FZD9: variants seen among roughly 807,000 people sequenced by gnomAD.
FZD9 encodes frizzled class receptor 9.
In FZD9, 29 loss-of-function variants were observed where a neutral mutation model predicts 29.9. The observed-to-expected ratio is 0.97, with a 90% confidence interval of 0.72 to 1.32. The LOEUF (loss-of-function observed/expected upper bound fraction) is 1.32, where lower values mean the gene tolerates loss of function less well. Ranked by LOEUF, FZD9 falls within the 40% of genes most tolerant of loss-of-function variation. FZD9 has a pLI of 0.00. For missense variants in FZD9, 822 were observed against 857.8 expected (o/e 0.96, Z 0.52); for synonymous variants, 384 against 393.9 (o/e 0.97, Z 0.30).
rs1276469452 is a variant in FZD9, at chr7:73,434,543, C to G, written c.536C>G (p.Pro179Arg). ...GGCATGCTGCCCGTGGCGCCGCGGC[C>G]CGCGCGCCCTCCCGGAGACCTGGGC... is the stretch of plus-strand genomic sequence containing the variant. The part of the protein sequence containing the change: ...GLGMLPVAPR[P>R]ARPPGDLGPG... The change falls in exon 1 of 1, where the codon CCC becomes CGC. Residue 179 changes from proline to arginine, a missense_variant. Pro to Arg is a moderately radical substitution (Grantham distance 103). Transcript: ENST00000344575. 3 of 1,427,458 alleles carry G rather than the reference C, an allele frequency of 2.1e-6. No homozygotes were observed. The highest frequency in any genetic ancestry group is 2.7e-6 in the Non-Finnish European group (3 of 1,102,842). 88.4% of individuals were successfully genotyped at this position (1,427,458 alleles called of 1,614,324 possible).
chr7:73,435,718 G>A lies in FZD9; in HGVS notation c.1711G>A (p.Ala571Thr), dbSNP rs1563355504. Residue 571 changes from alanine to threonine, a missense_variant, in exon 1 of 1, where the codon GCT (alanine) becomes ACT (threonine). Transcript: ENST00000344575. ...YGRGTHCHYK[A>T]PTVVLHMTKT... ...ACGTGGCACGCACTGCCACTATAAG[G>A]CTCCCACCGTGGTCTTGCACATGAC... is the stretch of plus-strand genomic sequence containing the variant. 6.2e-7 allele frequency: 1 copy of A among 1,612,292 alleles called. No homozygotes were observed. Among genetic ancestry groups the A allele is most frequent in the South Asian group, 1.1e-5 (1 of 90,960 alleles).
In FZD9 at chr7:73,435,594, G is replaced by A; in HGVS notation, c.1587G>A (p.Trp529Ter). 6.2e-7 allele frequency: 1 copy of A among 1,613,236 alleles called. No homozygotes were observed. Among genetic ancestry groups the A allele is most frequent in the Non-Finnish European group, 8.5e-7 (1 of 1,179,896 alleles). Residue 529 changes from tryptophan to a stop codon, truncating the protein, a stop_gained, in exon 1 of 1, where the codon TGG becomes TGA. Coordinates refer to ENST00000344575, the MANE Select transcript of FZD9 (RefSeq NM_003508.3). LOFTEE classifies it high-confidence loss of function. ...GGATCACCAGCGGCGTCTGGGTGTG[G>A]AGCTCCAAGACTTTCCAGACCTGGC... ...VVGITSGVWVWSSKTFQTWQS... is the reference protein window; with the variant it reads ...VVGITSGVWV
At position 73,434,798 on chromosome 7, in the gene FZD9, A is replaced by T; in HGVS notation, c.791A>T (p.Glu264Val). Residue 264 changes from glutamate (E) to valine (V), a missense_variant, in exon 1 of 1, where the codon GAG (glutamate) becomes GTG (valine). Glu to Val is a moderately radical substitution (Grantham distance 121). Coordinates refer to ENST00000344575, the MANE Select transcript of FZD9 (RefSeq NM_003508.3). Reference sequence around the variant, plus strand: ...GAGCCCCACCGCTTCCAGTACCCCGAGCGCCCCATCATCTTCCTCTCCATG... The same window carrying T: ...GAGCCCCACCGCTTCCAGTACCCCGTGCGCCCCATCATCTTCCTCTCCATG... ...LLEPHRFQYP[E>V]RPIIFLSMCY... 6.2e-7 allele frequency: 1 copy of T among 1,612,752 alleles called. No individual in the cohort carries two copies. Among genetic ancestry groups the T allele is most frequent in the Non-Finnish European group, 8.5e-7 (1 of 1,179,934 alleles).
In FZD9 at chr7:73,435,235, C is replaced by G. The variant is rs1554563555; in HGVS notation, c.1228C>G (p.Leu410Val). The G allele has an allele frequency of 6.2e-7, 1 of 1,613,698 alleles. No homozygotes were observed. Among genetic ancestry groups the G allele is most frequent in the Non-Finnish European group, 8.5e-7 (1 of 1,180,034 alleles). Reference protein sequence around the residue: ...GFVLVPLSGYLVLGSSFLLTG... With the variant: ...GFVLVPLSGYVVLGSSFLLTG... Reference sequence around the variant, plus strand: ...CGTGCTGGTGCCCCTCTCTGGCTACCTGGTGCTGGGCAGTAGTTTCCTCCT... The same window carrying G: ...CGTGCTGGTGCCCCTCTCTGGCTACGTGGTGCTGGGCAGTAGTTTCCTCCT... Residue 410 changes from leucine to valine, a missense_variant, in exon 1 of 1, where the codon CTG becomes GTG. Physicochemically the swap from Leu to Val is conservative, Grantham distance 32. Coordinates refer to ENST00000344575, the MANE Select transcript of FZD9 (RefSeq NM_003508.3).
Position 73,435,071 on chromosome 7 carries a change from G to A in FZD9, c.1064G>A (p.Gly355Asp), listed in dbSNP as rs782238168. The stretch of plus-strand genomic sequence containing the variant: ...GGCCACGAGGCCATCGAGGCCCACG[G>A]CAGCTATTTCCACATGGCTGCCTGG... The part of the protein sequence containing the change: ...KWGHEAIEAH[G>D]SYFHMAAWGL... Residue 355 changes from glycine to aspartate, a missense_variant, in exon 1 of 1, where the codon GGC becomes GAC. By Grantham distance (94) the Gly-to-Asp change is moderately conservative. Coordinates refer to ENST00000344575, the MANE Select transcript of FZD9 (RefSeq NM_003508.3). 6.2e-7 allele frequency: 1 copy of A among 1,613,048 alleles called. No homozygotes were observed. The highest frequency in any genetic ancestry group is 1.7e-5 in the Admixed American group (1 of 60,006).
In FZD9 at chr7:73,433,792, G is replaced by C. The variant is rs1257874873; in HGVS notation, c.-216G>C. 9.7e-6 allele frequency: 2 copies of C among 205,814 alleles called. No homozygotes were observed. Among genetic ancestry groups the C allele is most frequent in the Admixed American group, 6.3e-5 (1 of 15,838 alleles). The allele number at this position is 205,814 out of a possible 1,614,324, so 12.7% of individuals were successfully genotyped here. ...GAGGTTGCGCCGGCTCTGGCTCAGC[G>C]GCGGCTCCGGTGGCAGCGGCGGTGG... On this transcript the variant is annotated 5_prime_UTR_variant, in exon 1 of 1. Coordinates refer to ENST00000344575, the MANE Select transcript of FZD9 (RefSeq NM_003508.3).
In FZD9 at chr7:73,435,218, T is replaced by C. The variant is rs782741814; in HGVS notation, c.1211T>C (p.Val404Ala). The C allele has an allele frequency of 1.4e-5, 23 of 1,613,478 alleles. No homozygotes were observed. Among genetic ancestry groups the C allele is most frequent in the Non-Finnish European group, 1.9e-5 (23 of 1,180,032 alleles). The change falls in exon 1 of 1, where the codon GTG (valine) becomes GCG (alanine). Residue 404 changes from valine (V) to alanine (A), a missense_variant. Physicochemically the swap from Val to Ala is moderately conservative, Grantham distance 64. Coordinates refer to ENST00000344575, the MANE Select transcript of FZD9 (RefSeq NM_003508.3). ...DAAALTGFVL[V>A]PLSGYLVLGS... is the part of the protein sequence containing the mutation. ...GCAGCGCTCACGGGCTTCGTGCTGG[T>C]GCCCCTCTCTGGCTACCTGGTGCTG... is the stretch of plus-strand genomic sequence containing the variant.
chr7:73,433,897 G>T lies in FZD9; in HGVS notation c.-111G>T, dbSNP rs1402760546. On this transcript the variant is annotated 5_prime_UTR_variant, in exon 1 of 1. Coordinates refer to ENST00000344575, the MANE Select transcript of FZD9 (RefSeq NM_003508.3). ...CAGGGCGCCCGGACACACGTGGGCG[G>T]CTCAGCGATGGCCCGCGCCCCGCGA... The T allele has an allele frequency of 1.2e-6, 1 of 865,454 alleles. No individual in the cohort carries two copies. Among genetic ancestry groups the T allele is most frequent in the East Asian group, 9.5e-5 (1 of 10,540 alleles). The allele number at this position is 865,454 out of a possible 1,614,324, so 53.6% of individuals were successfully genotyped here.
rs782636147 is a variant in FZD9 at position 73,434,441 on chromosome 7, G to T, written c.434G>T (p.Arg145Leu). 7.8e-6 allele frequency: 12 copies of T among 1,545,694 alleles called. No individual in the cohort carries two copies. In the South Asian group the frequency reaches 1.3e-4, roughly 17 times the overall value. Reference sequence around the variant, plus strand: ...CTCGACTGCGCCCGGCTGCCCACGCGCAACGACCCGCACGCGCTGTGCATG... The same window carrying T: ...CTCGACTGCGCCCGGCTGCCCACGCTCAACGACCCGCACGCGCTGTGCATG... ...DSLDCARLPT[R>L]NDPHALCMEA... is the part of the protein sequence containing the mutation. The change falls in exon 1 of 1, where the codon CGC becomes CTC. Residue 145 changes from arginine to leucine, a missense_variant. Transcript: ENST00000344575.
chr7:73,434,653 G>T lies in FZD9; in HGVS notation c.646G>T (p.Gly216Trp). Residue 216 changes from glycine (G) to tryptophan (W), a missense_variant, in exon 1 of 1, where the codon GGG becomes TGG. Physicochemically the swap from Gly to Trp is radical, Grantham distance 184. Coordinates refer to ENST00000344575, the MANE Select transcript of FZD9 (RefSeq NM_003508.3). ...EKSRSCAPRC[G>W]PGVEVFWSRR... ...GAGCCGCTCGTGCGCACCGCGCTGC[G>T]GGCCCGGCGTCGAGGTGTTCTGGTC... 1 of 1,599,088 alleles carries T rather than the reference G, an allele frequency of 6.3e-7. No homozygotes were observed. The highest frequency in any genetic ancestry group is 8.5e-7 in the Non-Finnish European group (1 of 1,178,658).
rs61749862 is a variant in FZD9 at position 73,435,186 on chromosome 7, G to A, written c.1179G>A (p.Thr393=). The A allele has an allele frequency of 4.9e-3, 7,959 of 1,613,142 alleles. 24 individuals are homozygous for A. The highest frequency in any genetic ancestry group is 6.3e-3 in the Non-Finnish European group (7,435 of 1,180,018). ...ELTGLCYVAS[T]DAAALTGFVL... Reference sequence around the variant, plus strand: ...CTGGGCTTTGCTACGTGGCCAGCACGGATGCAGCAGCGCTCACGGGCTTCG... The same window carrying A: ...CTGGGCTTTGCTACGTGGCCAGCACAGATGCAGCAGCGCTCACGGGCTTCG... Residue 393 remains threonine, a synonymous_variant, in exon 1 of 1, where the codon ACG becomes ACA. Coordinates refer to ENST00000344575, the MANE Select transcript of FZD9 (RefSeq NM_003508.3).
In FZD9 at chr7:73,434,315, A is replaced by G. The variant is rs782797612; in HGVS notation, c.308A>G (p.Gln103Arg). The stretch of plus-strand genomic sequence containing the variant: ...CTCTACGCGCCCATGTGCACCGACC[A>G]GGTCTCGACGCCCATTCCCGCCTGC... ...CSLYAPMCTD[Q>R]VSTPIPACRP... The change falls in exon 1 of 1, where the codon CAG (glutamine) becomes CGG (arginine). Residue 103 changes from glutamine to arginine, a missense_variant. Coordinates refer to ENST00000344575, the MANE Select transcript of FZD9 (RefSeq NM_003508.3). 3.2e-6 allele frequency: 5 copies of G among 1,585,636 alleles called. No homozygotes were observed. Among genetic ancestry groups the G allele is most frequent in the African/African-American group, 1.4e-5 (1 of 73,526 alleles).
At position 73,434,258 on chromosome 7, in the gene FZD9, G is replaced by A; in HGVS notation, c.251G>A (p.Cys84Tyr). The change falls in exon 1 of 1, where the codon TGC becomes TAC. Residue 84 changes from cysteine (C) to tyrosine (Y), a missense_variant. Transcript: ENST00000344575. ...AEFAPLVQYG[C>Y]HSHLRFFLCS... ...TTCGCGCCGCTGGTGCAGTACGGCTGCCACAGCCACCTGCGCTTCTTCCTG... is the reference window on the plus strand; with the variant it reads ...TTCGCGCCGCTGGTGCAGTACGGCTACCACAGCCACCTGCGCTTCTTCCTG... 1 of 1,588,464 alleles carries A rather than the reference G, an allele frequency of 6.3e-7. No homozygotes were observed. Among genetic ancestry groups the A allele is most frequent in the South Asian group, 1.1e-5 (1 of 88,516 alleles).
rs1554563565 is a variant in FZD9 at position 73,435,317 on chromosome 7, A to T, written c.1310A>T (p.Asn437Ile). Residue 437 changes from asparagine (N) to isoleucine (I), a missense_variant, in exon 1 of 1, where the codon AAC becomes ATC. Transcript: ENST00000344575. Reference sequence around the variant, plus strand: ...AAGATCATGAAGACGGGCGGCACCAACACAGAGAAGCTGGAGAAGCTCATG... The same window carrying T: ...AAGATCATGAAGACGGGCGGCACCATCACAGAGAAGCTGGAGAAGCTCATG... Reference protein sequence around the residue: ...IRKIMKTGGTNTEKLEKLMVK... With the variant: ...IRKIMKTGGTITEKLEKLMVK... 1 of 1,613,844 alleles carries T rather than the reference A, an allele frequency of 6.2e-7. No homozygotes were observed. Among genetic ancestry groups the T allele is most frequent in the South Asian group, 1.1e-5 (1 of 91,044 alleles).
chr7:73,434,990 C>T lies in FZD9; in HGVS notation c.983C>T (p.Ser328Leu). ...CTCTACTACTTCGGCATGGCCAGCTCGCTCTGGTGGGTGGTCCTGACGCTC... is the reference window on the plus strand; with the variant it reads ...CTCTACTACTTCGGCATGGCCAGCTTGCTCTGGTGGGTGGTCCTGACGCTC... The part of the protein sequence containing the change: ...LLLYYFGMAS[S>L]LWWVVLTLTW... Residue 328 changes from serine (S) to leucine (L), a missense_variant, in exon 1 of 1, where the codon TCG becomes TTG. Physicochemically the swap from Ser to Leu is moderately radical, Grantham distance 145. Transcript: ENST00000344575. 1 of 1,614,050 alleles carries T rather than the reference C, an allele frequency of 6.2e-7. No homozygotes were observed. The highest frequency in any genetic ancestry group is 1.1e-5 in the South Asian group (1 of 91,084).
In FZD9 at chr7:73,435,493, G is replaced by A. The variant is rs1554563615; in HGVS notation, c.1486G>A (p.Asp496Asn). The part of the protein sequence containing the change: ...AAAAGPGGRR[D>N]CSLPGGSVPT... ...GGCCGCGGGGCCCGGAGGCCGGAGGGACTGCTCGCTGCCAGGGGGCTCGGT... is the reference window on the plus strand; with the variant it reads ...GGCCGCGGGGCCCGGAGGCCGGAGGAACTGCTCGCTGCCAGGGGGCTCGGT... Residue 496 changes from aspartate to asparagine, a missense_variant, in exon 1 of 1, where the codon GAC becomes AAC. Transcript: ENST00000344575. 1.9e-6 allele frequency: 3 copies of A among 1,613,012 alleles called. No individual in the cohort carries two copies. The South Asian group carries it at 3.3e-5, about 18-fold the overall frequency.
Position 73,434,262 on chromosome 7 carries a change from C to T in FZD9, c.255C>T (p.His85=), listed in dbSNP as rs2116175698. 1 of 1,588,114 alleles carries T rather than the reference C, an allele frequency of 6.3e-7. No homozygotes were observed. The highest frequency in any genetic ancestry group is 8.5e-7 in the Non-Finnish European group (1 of 1,174,022). The part of the protein sequence containing the change: ...EFAPLVQYGC[H]SHLRFFLCSL... ...CGCCGCTGGTGCAGTACGGCTGCCA[C>T]AGCCACCTGCGCTTCTTCCTGTGCT... The change falls in exon 1 of 1, where the codon CAC becomes CAT. Residue 85 remains histidine (H), a synonymous_variant. Coordinates refer to ENST00000344575, the MANE Select transcript of FZD9 (RefSeq NM_003508.3).
In FZD9 at chr7:73,434,128, GC is replaced by G; in HGVS notation, c.122del (p.Ala41GlyfsTer14). 1 of 1,530,396 alleles carries G rather than the reference GC, an allele frequency of 6.5e-7. No individual in the cohort carries two copies. The allele number at this position is 1,530,396 out of a possible 1,614,324, so 94.8% of individuals were successfully genotyped here. On this transcript the variant is annotated frameshift_variant, in exon 1 of 1. Coordinates refer to ENST00000344575, the MANE Select transcript of FZD9 (RefSeq NM_003508.3). LOFTEE classifies it low-confidence loss of function (END_TRUNC). ...CGGGCGCGGGGCTGCGCCGTGCCAG[GC>G]GGTGGAGATCCCCATGTGCCGCGGC... ...ERGRGAAPCQ[A>X]VEIPMCRGIG...
At position 73,435,042 on chromosome 7, in the gene FZD9, A is replaced by G. The variant is rs1787383765; in HGVS notation, c.1035A>G (p.Lys345=). 6.2e-7 allele frequency: 1 copy of G among 1,613,776 alleles called. No homozygotes were observed. Among genetic ancestry groups the G allele is most frequent in the East Asian group, 2.2e-5 (1 of 44,878 alleles). Residue 345 remains lysine (K), a synonymous_variant, in exon 1 of 1, where the codon AAA becomes AAG. Coordinates refer to ENST00000344575, the MANE Select transcript of FZD9 (RefSeq NM_003508.3). ...TLTWFLAAGK[K]WGHEAIEAHG... is the part of the protein sequence containing the mutation. The stretch of plus-strand genomic sequence containing the variant: ...CCTGGTTCCTGGCTGCCGGGAAGAA[A>G]TGGGGCCACGAGGCCATCGAGGCCC...
Sources: gnomAD v4.1 joint callset for allele counts on GRCh38, gnomAD v4.1.1 for gene constraint, MANE v1.5 for transcripts, NCBI Gene and HGNC (gene_info 2026-07-23, HGNC 2026-07-21) for gene names.